MMP20: variants seen among roughly 807,000 people sequenced by gnomAD.
The protein encoded by MMP20 is matrix metallopeptidase 20.
A neutral mutation model predicts 51.8 loss-of-function variants in MMP20; 50 were observed. The ratio of observed to expected loss-of-function variants is 0.97; its 90% CI spans 0.77 to 1.22. The LOEUF (loss-of-function observed/expected upper bound fraction) is 1.22, where lower values mean the gene tolerates loss of function less well. Ranked by LOEUF, MMP20 falls within the 50% of genes most tolerant of loss-of-function variation. The pLI is 0.00. For missense variants in MMP20, 663 were observed against 601.4 expected (o/e 1.10, Z -1.07); for synonymous variants, 244 against 216.2 (o/e 1.13, Z -1.13).
intron 8 of MMP20, chr11:102,583,740 C>T (rs1423787961): frequency 6.6e-6 from 1 of 152,168 alleles, no homozygotes; most frequent in African/African-American, 2.4e-5. Context: ...TTGCCATCAC[C>T]CGCCCCCACA....
At chr11:102,593,407 AAGAT>A in intron 8 of MMP20, 28 bp downstream of exon 8, 4 of 1,599,960 alleles carry the variant, frequency 2.5e-6, no homozygotes, top group Non-Finnish European at 3.4e-6. Flanking sequence ...TCATTAAATA[AAGAT>A]AGATAGTAAA....
intron 8 of MMP20, among the ~76,000 whole-genome samples, chr11:102,587,288 C>T (rs1226210367): frequency 1.3e-5 from 2 of 152,066 alleles, no homozygotes; most frequent in East Asian, 3.8e-4. Flanking sequence ...TGATTTCTGG[C>T]TTTATTCTAT....
At chr11:102,595,138 G>T (rs892815459) in intron 6 of MMP20, among the ~76,000 whole-genome samples, 6 of 151,982 alleles carry the variant, frequency 3.9e-5, no homozygotes, top group Non-Finnish European at 7.4e-5. Context: ...CATTGGCCAG[G>T]CTGGTCTCGA....
At position 102,611,809 on chromosome 11, in the gene MMP20, A is replaced by C; in HGVS notation, c.469T>G (p.Phe157Val). 1.2e-6 allele frequency: 2 copies of C among 1,614,250 alleles called. No homozygotes were observed. Among genetic ancestry groups the C allele is most frequent in the Non-Finnish European group, 1.7e-6 (2 of 1,180,050 alleles). Residue 157 changes from phenylalanine (F) to valine (V), a missense_variant, in exon 3 of 10, where the codon TTT becomes GTT. Physicochemically the swap from Phe to Val is conservative, Grantham distance 50 (BLOSUM62 -1). Coordinates refer to ENST00000260228, the MANE Select transcript of MMP20 (RefSeq NM_004771.4). ...GCTTCTCCTGAGTTTATTCTGACAA[A>C]GCTCAGAGGGACGGCGCTACTCCAG... is the stretch of plus-strand genomic sequence containing the variant. The part of the protein sequence containing the change: ...QAWSSAVPLS[F>V]VRINSGEADI...
chr11:102,614,491 A>G (rs533528004), intron 2 of MMP20, among the ~76,000 whole-genome samples: 3 of 152,344 alleles, frequency 2.0e-5, no homozygotes, highest in African/African-American at 7.2e-5. Context: ...TTTGTTGTAC[A>G]TAGTCATGGA....
Position 102,610,981 on chromosome 11 carries a change from T to A in MMP20, c.523+774A>T, listed in dbSNP as rs531214030. On this transcript the variant is annotated intron_variant, in intron 3 of 9. Coordinates refer to ENST00000260228, the MANE Select transcript of MMP20 (RefSeq NM_004771.4). The stretch of plus-strand genomic sequence containing the variant: ...TCAAAGCTACCCCGAGTCACACTGC[T>A]TTCCCTGCCACTTCACCAGGGGTGG... Among the ~76,000 whole-genome samples, 3 of 152,186 alleles carry A rather than the reference T, an allele frequency of 2.0e-5. No homozygotes were observed. In the South Asian group the frequency reaches 6.2e-4, roughly 32 times the overall value.
At chr11:102,582,440 G>A (rs568485802) in intron 8 of MMP20, among the ~76,000 whole-genome samples, 137 of 152,298 alleles carry the variant, frequency 9.0e-4, no homozygotes, top group Middle Eastern at 3.4e-3. Context: ...TCCAGTGTGG[G>A]TCAGGAGGGA....
intron 9 of MMP20, 98 bp downstream of exon 9, chr11:102,578,941 G>C: frequency 1.2e-6 from 1 of 850,994 alleles, no homozygotes; most frequent in Non-Finnish European, 2.0e-6. Context: ...TAAAAACCAA[G>C]GACTCCCACT....
At chr11:102,601,122 A>ATTTTTTTTTTTTTTTTTT (rs1193022328) in intron 6 of MMP20, among the ~76,000 whole-genome samples, 1 of 36,986 alleles carries the variant, frequency 2.7e-5, no homozygotes, top group Non-Finnish European at 5.7e-5. Flanking sequence ...AGTGTCGGCT[A>ATTTTTTTTTTTTTTTTTT]TTCTTTTTTT....
intron 1 of MMP20, among the ~76,000 whole-genome samples, chr11:102,617,470 G>T (rs769611853): frequency 1.5e-4 from 23 of 152,130 alleles, no homozygotes; most frequent in Non-Finnish European, 2.5e-4. Flanking sequence ...AGGCTATCTG[G>T]TTTCTTTGGT....
At chr11:102,585,192 A>G (rs1372152515) in intron 8 of MMP20, among the ~76,000 whole-genome samples, 1 of 152,154 alleles carries the variant, frequency 6.6e-6, no homozygotes. Context: ...CTACAGATCA[A>G]TTTGGGGACT....
At chr11:102,609,167 T>G in intron 4 of MMP20, 69 bp from the exon 5 acceptor site, 1 of 1,363,420 alleles carries the variant, frequency 7.3e-7, no homozygotes, top group African/African-American at 1.4e-5. Context: ...TCCATCTTTA[T>G]AGTATAATTT....
chr11:102,594,491 C>T (rs1347474536), intron 7 of MMP20, 130 bp downstream of exon 7: 13 of 1,231,060 alleles, frequency 1.1e-5, no homozygotes, highest in African/African-American at 1.5e-5. Flanking sequence ...ATTTCATACC[C>T]AACCTGAGGA....
intron 8 of MMP20, among the ~76,000 whole-genome samples, chr11:102,588,426 G>C (rs779482471): frequency 1.3e-5 from 2 of 151,942 alleles, no homozygotes; most frequent in Admixed American, 1.3e-4. Context: ...TGCCATTTCT[G>C]GTTCTGTTCT....
chr11:102,599,012 CTTT>C (rs3046928), intron 6 of MMP20, among the ~76,000 whole-genome samples: 150 of 127,880 alleles, frequency 1.2e-3, no homozygotes, highest in East Asian at 6.4e-3. Flanking sequence ...TTTCTTCTAT[CTTT>C]TTTTTTTTTT....
Position 102,625,204 on chromosome 11 carries a change from C to T in MMP20, c.116G>A (p.Arg39His), listed in dbSNP as rs751606851. The change falls in exon 1 of 10, where the codon CGC becomes CAC. Residue 39 changes from arginine to histidine, a missense_variant. Transcript: ENST00000260228. ...CAAAAATTCACAAACCTGTGCGAGG[C>T]GGTAGTTGTTCCTCCAGGTCCTGGG... is the stretch of plus-strand genomic sequence containing the variant. ...ASPRTWRNNY[R>H]LAQAYLDKYY... 16 of 1,613,766 alleles carry T rather than the reference C, an allele frequency of 9.9e-6. No homozygotes were observed. Among genetic ancestry groups the T allele is most frequent in the East Asian group, 6.7e-5 (3 of 44,870 alleles).
intron 1 of MMP20, among the ~76,000 whole-genome samples, chr11:102,622,959 T>C (rs1244038205): frequency 2.0e-5 from 3 of 152,190 alleles, no homozygotes; most frequent in African/African-American, 7.2e-5. Context: ...TTCAGCCAGA[T>C]CATTCCAGGC....
intron 8 of MMP20, among the ~76,000 whole-genome samples, chr11:102,586,610 G>A (rs935365464): frequency 1.1e-4 from 17 of 152,090 alleles, no homozygotes; most frequent in South Asian, 4.2e-4. Flanking sequence ...TCAGGAGATC[G>A]AGACCATCCT....
intron 2 of MMP20, among the ~76,000 whole-genome samples, chr11:102,615,156 T>C (rs977931611): frequency 2.7e-5 from 4 of 147,076 alleles, no homozygotes; most frequent in African/African-American, 9.8e-5. Context: ...AATAACGTAT[T>C]TTATTTATTA....
Sources: gnomAD v4.1 joint callset for allele counts (sites outside exome capture counted in the v4.1 genomes callset) on GRCh38, gnomAD v4.1.1 for gene constraint, MANE v1.5 for transcripts, NCBI Gene and HGNC (gene_info 2026-07-23, HGNC 2026-07-21) for gene names.